The following ZNF385D variants were observed in gnomAD, a reference collection of about 807,000 sequenced individuals.
ZNF385D encodes the protein zinc finger protein 385D, also known as zinc finger protein 659.
Under a neutral mutation model 35.8 loss-of-function variants are expected in ZNF385D, and 15 were observed. The observed-to-expected ratio is 0.42, with a 90% CI of 0.28 to 0.64. The LOEUF is 0.64. Among genes scored for constraint, ZNF385D ranks in the 30% least tolerant of loss-of-function variants. ZNF385D has a pLI of 0.23. For synonymous variants in ZNF385D, 212 were observed against 186.8 expected (o/e 1.13, Z -1.10); for missense variants, 474 against 494.6 (o/e 0.96, Z 0.39).
At chr3:22,324,430 C>T (rs948107605) in intron 2 of ZNF385D, among the ~76,000 whole-genome samples, 1 of 152,014 alleles carries the variant, frequency 6.6e-6, no homozygotes, top group Non-Finnish European at 1.5e-5. Context: ...CTTCTATATA[C>T]ATAAATAGTA....
chr3:21,460,491 T>C (rs1448839717), intron 4 of ZNF385D, among the ~76,000 whole-genome samples: 3 of 151,884 alleles, frequency 2.0e-5, no homozygotes, highest in African/African-American at 7.3e-5. Flanking sequence ...TGTACATCAA[T>C]AGGAACAAAA....
intron 2 of ZNF385D, among the ~76,000 whole-genome samples, chr3:22,370,793 T>C (rs1342805832): frequency 6.6e-6 from 1 of 152,128 alleles, no homozygotes; most frequent in African/African-American, 2.4e-5. Flanking sequence ...TAGAGTTTGG[T>C]GTTCAGTGAA....
chr3:22,106,417 T>A (rs1326934645), intron 3 of ZNF385D, among the ~76,000 whole-genome samples: 1 of 152,124 alleles, frequency 6.6e-6, no homozygotes, highest in East Asian at 1.9e-4. Flanking sequence ...AATCTTACAT[T>A]TTCCAATCTC....
At chr3:21,481,278 C>T (rs1201868566) in intron 4 of ZNF385D, among the ~76,000 whole-genome samples, 1 of 152,130 alleles carries the variant, frequency 6.6e-6, no homozygotes, top group African/African-American at 2.4e-5. Flanking sequence ...TGCAAAAGTC[C>T]AATTCTTAAT....
intron 3 of ZNF385D, among the ~76,000 whole-genome samples, chr3:22,006,626 A>T (rs1696224602): frequency 2.0e-5 from 3 of 152,096 alleles, no homozygotes; most frequent in Admixed American, 6.5e-5. Flanking sequence ...AGAGTTAAGT[A>T]GGAATAAATT....
At chr3:22,032,061 C>T (rs1698035084) in intron 3 of ZNF385D, among the ~76,000 whole-genome samples, 1 of 152,200 alleles carries the variant, frequency 6.6e-6, no homozygotes, top group South Asian at 2.1e-4. Context: ...GCTCCAGTTC[C>T]CAATAAGTTC....
At position 21,427,405 on chromosome 3, in the gene ZNF385D, A is replaced by G. The variant is rs144033679; in HGVS notation, c.674-1735T>C. On this transcript the variant is annotated intron_variant, in intron 5 of 7. Coordinates refer to ENST00000281523, the MANE Select transcript of ZNF385D (RefSeq NM_024697.3). ...ATCCTGATTTTCTTGAGGCATTCCAAATTCACTTTTGGTTAATATCATCTG... is the reference window on the plus strand; with the variant it reads ...ATCCTGATTTTCTTGAGGCATTCCAGATTCACTTTTGGTTAATATCATCTG... Among the ~76,000 whole-genome samples the G allele has an allele frequency of 7.0e-4, 106 of 152,314 alleles. 1 individual carries two copies. The highest frequency in any genetic ancestry group is 2.3e-3 in the African/African-American group (97 of 41,574).
At chr3:21,538,435 T>G (rs1183131825) in intron 3 of ZNF385D, among the ~76,000 whole-genome samples, 1 of 152,138 alleles carries the variant, frequency 6.6e-6, no homozygotes, top group African/African-American at 2.4e-5. Flanking sequence ...ATATGTTAAC[T>G]TTCACTCTTT....
rs544683420 is a variant in ZNF385D, at chr3:21,418,565, T to C, written c.*2649A>G. On this transcript the variant is annotated 3_prime_UTR_variant, in exon 8 of 8. Transcript: ENST00000281523. Reference sequence around the variant, plus strand: ...GGATCCAGGTATTTCTGAGATTTCTTATATGGCTGATGGAGAAAATATGGC... The same window carrying C: ...GGATCCAGGTATTTCTGAGATTTCTCATATGGCTGATGGAGAAAATATGGC... 6.6e-6 allele frequency: 1 copy of C among 152,190 alleles called. No individual in the cohort carries two copies. The highest frequency in any genetic ancestry group is 6.5e-5 in the Admixed American group (1 of 15,272). The allele number at this position is 152,190 out of a possible 1,614,324, so 9.4% of individuals were successfully genotyped here. A position where few individuals can be genotyped will look rare whatever the true frequency, so the allele number is the denominator to read the frequency against.
rs148621455 is a variant in ZNF385D, at chr3:22,115,936, C to T, written c.325+52881G>A. Among the ~76,000 whole-genome samples, 595 of 152,094 alleles carry T rather than the reference C, an allele frequency of 3.9e-3. 2 individuals carry two copies. The highest frequency in any genetic ancestry group is 0.013 in the African/African-American group (532 of 41,502). On this transcript the variant is annotated intron_variant, in intron 3 of 5. Transcript: ENST00000494108. ...GCTGATGCCTATACCAAAAGCTGTC[C>T]GAGGTTGCAGCCACGACCACTTCCA... is the stretch of plus-strand genomic sequence containing the variant.
At chr3:22,017,079 G>T (rs1696934466) in intron 3 of ZNF385D, among the ~76,000 whole-genome samples, 1 of 151,960 alleles carries the variant, frequency 6.6e-6, no homozygotes, top group South Asian at 2.1e-4. Flanking sequence ...AACATAAAAA[G>T]AGTATTAGAC....
intron 3 of ZNF385D, among the ~76,000 whole-genome samples, chr3:21,933,040 G>GAC (rs968123511): frequency 3.2e-4 from 48 of 152,280 alleles, no homozygotes; most frequent in African/African-American, 1.1e-3. Context: ...ACCCAAGAGA[G>GAC]ACAGCGGAAA....
At position 21,769,569 on chromosome 3, in the gene ZNF385D, G is replaced by A. The variant is rs191906756; in HGVS notation, c.326-104541C>T. ...TCTTCAAGGAGAACTATAAACCACT[G>A]CTCAAGGAAATAAAAGAGGATACAA... On this transcript the variant is annotated intron_variant, in intron 3 of 5. Transcript: ENST00000494108. 7.2e-3 allele frequency among the ~76,000 whole-genome samples: 704 copies of A among 97,218 alleles called. 176 individuals are homozygous for A. The highest frequency in any genetic ancestry group is 1.8e-3 in the Non-Finnish European group (91 of 50,438). The allele number at this position is 97,218 out of a possible 152,430, so 63.8% of individuals were successfully genotyped here.
rs533953075 is a variant in ZNF385D, at chr3:21,570,080, A to G, written c.166-5396T>C. ...AATAATAATAATAATAAAAAAAATT[A>G]CACCTTAAAAAAAAAGAATTTTCTA... On this transcript the variant is annotated intron_variant, in intron 2 of 7. Transcript: ENST00000281523. 2.9e-4 allele frequency among the ~76,000 whole-genome samples: 44 copies of G among 151,848 alleles called. No individual in the cohort carries two copies. In the East Asian group the frequency reaches 4.6e-3, roughly 16 times the overall value.
chr3:21,958,259 A>G (rs1334109180), intron 3 of ZNF385D, among the ~76,000 whole-genome samples: 4 of 152,140 alleles, frequency 2.6e-5, no homozygotes, highest in Non-Finnish European at 4.4e-5. Context: ...AAGAAGACCT[A>G]TATTTTGGAG....
intron 2 of ZNF385D, among the ~76,000 whole-genome samples, chr3:22,274,650 G>A (rs1450781364): frequency 7.9e-6 from 1 of 126,704 alleles, no homozygotes; most frequent in African/African-American, 3.6e-5. Flanking sequence ...ATTTCTATTT[G>A]TTCATTTTAG....
rs562355483 is a variant in ZNF385D, at chr3:22,065,911, C to G, written c.325+102906G>C. Among the ~76,000 whole-genome samples, 182 of 152,028 alleles carry G rather than the reference C, an allele frequency of 1.2e-3. 1 individual carries two copies. The highest frequency in any genetic ancestry group is 2.2e-3 in the Non-Finnish European group (147 of 67,958). On this transcript the variant is annotated intron_variant, in intron 3 of 5. Transcript: ENST00000494108. ...AGATAAAGACATCACGGATCACAGC[C>G]CAACTAAAATTGGCCAGGTGGAGTG...
intron 1 of ZNF385D, among the ~76,000 whole-genome samples, chr3:21,681,697 C>T (rs201272220): frequency 0.14 from 7,272 of 53,556 alleles, 255 homozygotes; most frequent in Non-Finnish European, 0.21. Flanking sequence ...TAAAAAAAAA[C>T]GAAAAAAAAA....
At chr3:22,004,143 A>C (rs1292331962) in intron 3 of ZNF385D, among the ~76,000 whole-genome samples, 1 of 152,140 alleles carries the variant, frequency 6.6e-6, no homozygotes, top group Non-Finnish European at 1.5e-5. Flanking sequence ...AAATAAATCC[A>C]CATATTTATA....
Sources: gnomAD v4.1 joint callset for allele counts (sites outside exome capture counted in the v4.1 genomes callset) on GRCh38, gnomAD v4.1.1 for gene constraint, MANE v1.5 for transcripts, NCBI Gene and HGNC (gene_info 2026-07-23, HGNC 2026-07-21) for gene names.